RASGRP1: variants seen among roughly 807,000 people sequenced by gnomAD.
The protein encoded by RASGRP1 is RAS guanyl-releasing protein 1.
In RASGRP1, 37 loss-of-function variants were observed where a neutral mutation model predicts 95.1. The ratio of observed to expected loss-of-function variants is 0.39; its 90% CI spans 0.30 to 0.51. The LOEUF (loss-of-function observed/expected upper bound fraction) is 0.51. Ranked by LOEUF, RASGRP1 falls within the 20% of genes least tolerant of loss-of-function variation. RASGRP1 has a pLI of 0.80. For missense variants in RASGRP1, 711 were observed against 965.4 expected, an observed-to-expected ratio of 0.74 and a Z score of 3.49; for synonymous variants, 325 against 353.4, an observed-to-expected ratio of 0.92 and a Z score of 0.90.
rs1890524871 is a variant in RASGRP1, at chr15:38,490,355, C to G, written c.*199G>C. On this transcript the variant is annotated 3_prime_UTR_variant, in exon 17 of 17. Coordinates refer to ENST00000310803, the MANE Select transcript of RASGRP1 (RefSeq NM_005739.4). ...CAAAAGTTTTGCATTCTTTAGTTTT[C>G]CCCCTTTGAGTCAACTAACTGAAAG... is the stretch of plus-strand genomic sequence containing the variant. 4.4e-6 allele frequency: 2 copies of G among 453,722 alleles called. No individual in the cohort carries two copies. Among genetic ancestry groups the G allele is most frequent in the South Asian group, 1.1e-4 (1 of 9,504 alleles). 28.1% of individuals were successfully genotyped at this position (453,722 alleles called of 1,614,324 possible).
chr15:38,553,654 T>C (rs959322685), intron 2 of RASGRP1, among the ~76,000 whole-genome samples: 2 of 152,200 alleles, frequency 1.3e-5, no homozygotes, highest in Non-Finnish European at 2.9e-5. Context: ...AATCAAACTG[T>C]AGTTGTAACA....
chr15:38,499,417 A>G (rs756933397), intron 14 of RASGRP1, among the ~76,000 whole-genome samples: 6 of 152,182 alleles, frequency 3.9e-5, no homozygotes, highest in Non-Finnish European at 7.4e-5. Flanking sequence ...AAGAGATTCT[A>G]TCTTTTTCAC....
At position 38,488,456 on chromosome 15, in the gene RASGRP1, A is replaced by G. The variant is rs1466139483; in HGVS notation, c.*2098T>C. 6.6e-6 allele frequency: 1 copy of G among 150,376 alleles called. No homozygotes were observed. Among genetic ancestry groups the G allele is most frequent in the Admixed American group, 6.6e-5 (1 of 15,074 alleles). 9.3% of individuals were successfully genotyped at this position (150,376 alleles called of 1,614,324 possible). On this transcript the variant is annotated 3_prime_UTR_variant, in exon 17 of 17. Coordinates refer to ENST00000310803, the MANE Select transcript of RASGRP1 (RefSeq NM_005739.4). ...CCCCATGTTGCTCAACACAAATACT[A>G]TTAACTTGTATACTATACCTCTTTG...
chr15:38,501,109 A>G lies in RASGRP1; in HGVS notation c.1683+34T>C, dbSNP rs368697275. The G allele has an allele frequency of 2.6e-5, 40 of 1,556,312 alleles. No individual in the cohort carries two copies. In the African/African-American group the frequency reaches 4.4e-4, roughly 17 times the overall value. On this transcript the variant is annotated intron_variant, in intron 13 of 16. Transcript: ENST00000310803. Reference sequence around the variant, plus strand: ...TTAAAGTATCCCACACTCTTCCCCAAATTCAGCCCTGGAGCACCCTAAGAA... The same window carrying G: ...TTAAAGTATCCCACACTCTTCCCCAGATTCAGCCCTGGAGCACCCTAAGAA...
In RASGRP1 at chr15:38,505,903, G is replaced by A. The variant is rs1891235406; in HGVS notation, c.1260C>T (p.Tyr420=). 1.9e-6 allele frequency: 3 copies of A among 1,611,000 alleles called. No individual in the cohort carries two copies. Among genetic ancestry groups the A allele is most frequent in the East Asian group, 2.2e-5 (1 of 44,812 alleles). Residue 420 remains tyrosine, a synonymous_variant, in exon 10 of 17, where the codon TAC becomes TAT. Coordinates refer to ENST00000310803, the MANE Select transcript of RASGRP1 (RefSeq NM_005739.4). ...GCTCATAGATTTCATCCTCAGTGTA[G>A]TAAAGATCCAGGGATAACTGCAGAT... The part of the protein sequence containing the change: ...VHLLTLSLDL[Y]YTEDEIYELS...
At chr15:38,501,347 G>A (rs765524162) in intron 12 of RASGRP1, 60 bp from the exon 13 acceptor site, 3 of 1,574,668 alleles carry the variant, frequency 1.9e-6, no homozygotes, top group Admixed American at 1.7e-5. Context: ...CAGGTAGCAA[G>A]GGGGGGCTTC....
intron 15 of RASGRP1, among the ~76,000 whole-genome samples, chr15:38,497,554 C>T (rs1890843007): frequency 6.6e-6 from 1 of 152,144 alleles, no homozygotes; most frequent in Admixed American, 6.5e-5. Context: ...CATAAAGTCC[C>T]AACAGCCCCA....
intron 13 of RASGRP1, 74 bp from the exon 14 acceptor site, chr15:38,500,213 T>C: frequency 2.0e-6 from 3 of 1,501,332 alleles, no homozygotes; most frequent in Non-Finnish European, 2.8e-6. Context: ...GACATTCCTT[T>C]ATTTTCCTTC....
chr15:38,525,613 G>C (rs1892187883), intron 3 of RASGRP1, among the ~76,000 whole-genome samples: 1 of 152,180 alleles, frequency 6.6e-6, no homozygotes. Flanking sequence ...AATTAGGAGA[G>C]TGGAAAAGTG....
chr15:38,497,365 A>G (rs917214901), intron 15 of RASGRP1, among the ~76,000 whole-genome samples: 1 of 150,636 alleles, frequency 6.6e-6, no homozygotes, highest in Non-Finnish European at 1.5e-5. Context: ...TTTCTACTTC[A>G]TCTCTTACCT....
chr15:38,507,034 C>T (rs1219351642), intron 9 of RASGRP1, among the ~76,000 whole-genome samples: 1 of 152,148 alleles, frequency 6.6e-6, no homozygotes, highest in Non-Finnish European at 1.5e-5. Flanking sequence ...ATTCTACTCT[C>T]CAAAAACAGC....
chr15:38,498,783 T>C lies in RASGRP1; in HGVS notation c.1873+11A>G, dbSNP rs1356079120. On this transcript the variant is annotated intron_variant, in intron 15 of 16. Transcript: ENST00000310803. ...CACTTTCCAAGATGAATGTTCCCAG[T>C]GCCTACTTACCATGGAGCAGATCTT... The C allele has an allele frequency of 1.9e-6, 3 of 1,610,506 alleles. No homozygotes were observed. The highest frequency in any genetic ancestry group is 2.5e-6 in the Non-Finnish European group (3 of 1,178,564).
At chr15:38,535,307 C>T (rs1466978977) in intron 2 of RASGRP1, among the ~76,000 whole-genome samples, 3 of 152,062 alleles carry the variant, frequency 2.0e-5, no homozygotes, top group Non-Finnish European at 4.4e-5. Context: ...ACCATTTTGG[C>T]CATCCATGTT....
chr15:38,505,931 A>T lies in RASGRP1; in HGVS notation c.1243-11T>A. The T allele has an allele frequency of 6.3e-7, 1 of 1,595,202 alleles. No individual in the cohort carries two copies. Among genetic ancestry groups the T allele is most frequent in the Non-Finnish European group, 8.6e-7 (1 of 1,166,222 alleles). On this transcript the variant is annotated splice_polypyrimidine_tract_variant and intron_variant, in intron 9 of 16. Coordinates refer to ENST00000310803, the MANE Select transcript of RASGRP1 (RefSeq NM_005739.4). ...AAGATCCAGGGATAACTGCAGATCA[A>T]AGCAGAACAGGGTTCATTGCTAAGA...
At chr15:38,515,637 CT>C (rs1459892853) in intron 6 of RASGRP1, among the ~76,000 whole-genome samples, 6 of 152,060 alleles carry the variant, frequency 3.9e-5, no homozygotes, top group Non-Finnish European at 7.4e-5. Context: ...ACAGTGACTT[CT>C]GGGCCAGGAC....
intron 2 of RASGRP1, among the ~76,000 whole-genome samples, chr15:38,533,863 G>T (rs369939107): frequency 6.6e-6 from 1 of 152,210 alleles, no homozygotes; most frequent in East Asian, 1.9e-4. Flanking sequence ...TAGTGTTCAC[G>T]TATTTGCATG....
rs77448986 is a variant in RASGRP1, at chr15:38,496,360, G to A, written c.1874-1593C>T. Among the ~76,000 whole-genome samples, 195 of 152,268 alleles carry A rather than the reference G, an allele frequency of 1.3e-3. 1 individual carries two copies. Among genetic ancestry groups the A allele is most frequent in the African/African-American group, 4.5e-3 (186 of 41,546 alleles). ...CCTGACAAGTACTTATCTTACCACT[G>A]TGGGGCAGGGTTTGGAAAAGGGGAG... is the stretch of plus-strand genomic sequence containing the variant. On this transcript the variant is annotated intron_variant, in intron 15 of 16. Transcript: ENST00000310803.
At chr15:38,501,545 C>T (rs1401803095) in intron 12 of RASGRP1, 1 of 600,460 alleles carries the variant, frequency 1.7e-6, no homozygotes, top group Non-Finnish European at 3.1e-6. Context: ...CTAACTTGAC[C>T]ACTATCTATA....
chr15:38,537,376 C>T (rs1892694326), intron 2 of RASGRP1, among the ~76,000 whole-genome samples: 1 of 152,160 alleles, frequency 6.6e-6, no homozygotes, highest in African/African-American at 2.4e-5. Flanking sequence ...GGTGAAAAAG[C>T]AGGCACGTCA....
Sources: allele counts gnomAD v4.1 joint callset (sites outside exome capture counted in the v4.1 genomes callset), GRCh38; gene constraint gnomAD v4.1.1; transcripts MANE v1.5; gene names NCBI Gene and HGNC (gene_info 2026-07-23, HGNC 2026-07-21).